Variants in MYO16 observed in about 807,000 individuals in gnomAD.
The protein encoded by MYO16 is unconventional myosin-XVI.
A neutral mutation model predicts 205.3 loss-of-function variants in MYO16; 94 were observed. The observed-to-expected ratio is 0.46, with a 90% CI of 0.39 to 0.54. The LOEUF (loss-of-function observed/expected upper bound fraction) is 0.54. Among genes scored for constraint, MYO16 ranks in the 20% least tolerant of loss-of-function variants. The probability of loss-of-function intolerance (pLI) is 0.00; values close to 1 mark genes in which losing one functional copy is unlikely to be tolerated. For synonymous variants in MYO16, 988 were observed against 954.0 expected, an observed-to-expected ratio of 1.04 and a Z score of -0.66; for missense variants, 2,315 against 2,387.5, an observed-to-expected ratio of 0.97 and a Z score of 0.63.
At chr13:108,497,144 T>C in the MYO16 span, among the ~76,000 whole-genome samples, 48,752 of 152,036 alleles carry the variant, frequency 0.32, 8,027 homozygotes, top group Non-Finnish European at 0.35. Context: ...AAGTCGTCAA[T>C]GAGATCCTGA....
intron 12 of MYO16, among the ~76,000 whole-genome samples, chr13:108,876,347 T>C (rs1410184771): frequency 6.6e-6 from 1 of 152,152 alleles, no homozygotes; most frequent in Non-Finnish European, 1.5e-5. Context: ...GGATGCATCT[T>C]TAAGGGTATG....
chr13:108,836,536 AG>A (rs1876926839), intron 9 of MYO16, among the ~76,000 whole-genome samples: 1 of 152,156 alleles, frequency 6.6e-6, no homozygotes. Context: ...AACCACTGAA[AG>A]CTTGCACCAT....
At chr13:109,013,677 A>G (rs1263292501) in intron 22 of MYO16, among the ~76,000 whole-genome samples, 1 of 152,172 alleles carries the variant, frequency 6.6e-6, no homozygotes, top group African/African-American at 2.4e-5. Flanking sequence ...GTGAGATGGT[A>G]TCTCATTGTG....
chr13:108,566,595 G>T, the MYO16 span, among the ~76,000 whole-genome samples: 3 of 151,112 alleles, frequency 2.0e-5, no homozygotes, highest in Admixed American at 2.0e-4. Context: ...TCATGCCGTT[G>T]CACTCCAGCC....
intron 28 of MYO16, among the ~76,000 whole-genome samples, chr13:109,102,114 A>G (rs1370103929): frequency 6.6e-6 from 1 of 151,880 alleles, no homozygotes; most frequent in Non-Finnish European, 1.5e-5. Flanking sequence ...TTTAACTAAT[A>G]ATGAAATTTG....
Position 109,140,271 on chromosome 13 carries a change from C to T in MYO16, c.4059C>T (p.Ala1353=). 3 of 1,599,478 alleles carry T rather than the reference C, an allele frequency of 1.9e-6. No individual in the cohort carries two copies. The highest frequency in any genetic ancestry group is 2.5e-6 in the Non-Finnish European group (3 of 1,178,952). ...AAREAANEAL[A]RPRPHSDDYS... ...CGTCCTTTCCTGCCGCAGCTCTGGC[C>T]CGGCCCAGACCGCACAGCGACGACT... The change falls in exon 32 of 35, where the codon GCC becomes GCT. Residue 1353 remains alanine, a synonymous_variant. Coordinates refer to ENST00000457511, the MANE Select transcript of MYO16 (RefSeq NM_001198950.3). This position sits in a 1 kb window ranked among gnomAD's most constrained non-coding sequence, Gnocchi z 8.0.
Position 109,052,332 on chromosome 13 carries a change from C to T in MYO16, c.2905C>T (p.Gln969Ter). The change falls in exon 25 of 35, where the codon CAG becomes TAG. Residue 969 changes from glutamine (Q) to a stop codon, truncating the protein, a stop_gained. Transcript: ENST00000457511. LOFTEE classifies it high-confidence loss of function. ...SENVVINHLF[Q>*]SKLSQTGSLV... is the part of the protein sequence containing the mutation. ...AAATGTCGTGATCAATCATTTGTTC[C>T]AGTCGAAATTGTCACAAACAGGATC... The T allele has an allele frequency of 6.2e-7, 1 of 1,613,198 alleles. No individual in the cohort carries two copies. The highest frequency in any genetic ancestry group is 1.1e-5 in the South Asian group (1 of 91,042).
chr13:109,047,076 A>G, intron 24 of MYO16, 85 bp downstream of exon 24: 2 of 1,021,748 alleles, frequency 2.0e-6, no homozygotes, highest in Admixed American at 4.1e-5. Flanking sequence ...TTCCTAGAAA[A>G]TATGCTACCA....
intron 1 of MYO16, among the ~76,000 whole-genome samples, chr13:108,642,512 G>T (rs987162812): frequency 6.6e-6 from 1 of 152,120 alleles, no homozygotes; most frequent in Non-Finnish European, 1.5e-5. Flanking sequence ...GCGTGACCTT[G>T]GTTCAAGCGA....
At chr13:108,534,365 A>G in the MYO16 span, among the ~76,000 whole-genome samples, 2 of 152,058 alleles carry the variant, frequency 1.3e-5, no homozygotes, top group African/African-American at 4.8e-5. Context: ...TTTAGTTTTG[A>G]CATAATATTC....
intron 4 of MYO16, among the ~76,000 whole-genome samples, chr13:108,729,983 G>A (rs1447818958): frequency 6.6e-6 from 1 of 152,146 alleles, no homozygotes; most frequent in Non-Finnish European, 1.5e-5. Flanking sequence ...TACATTTCAA[G>A]CAAAATAGCT....
At chr13:109,138,052 T>G (rs1053088810) in intron 31 of MYO16, among the ~76,000 whole-genome samples, 1 of 152,236 alleles carries the variant, frequency 6.6e-6, no homozygotes, top group Non-Finnish European at 1.5e-5. Context: ...CATGAATTTA[T>G]CTCAGTAAAT....
the MYO16 span, among the ~76,000 whole-genome samples, chr13:108,565,682 G>A: frequency 1.3e-5 from 2 of 152,040 alleles, no homozygotes; most frequent in African/African-American, 4.8e-5. Context: ...CTTTTCTCGT[G>A]TCTGATTGCT....
chr13:108,815,808 C>T (rs1875551981), intron 7 of MYO16, among the ~76,000 whole-genome samples: 1 of 152,096 alleles, frequency 6.6e-6, no homozygotes, highest in Admixed American at 6.6e-5. Context: ...TTATGGAATG[C>T]AAAGTACCTA....
chr13:108,853,954 T>TTGTGTGTGTGTGTGTGTGTGTGTG (rs5806760), intron 10 of MYO16, among the ~76,000 whole-genome samples: 2 of 138,500 alleles, frequency 1.4e-5, no homozygotes, highest in African/African-American at 5.3e-5. Context: ...GTTTCTATTA[T>TTGTGTGTGTGTGTGTGTGTGTGTG]TGTGTGTGTG....
chr13:108,900,828 C>G (rs1031900212), intron 15 of MYO16, among the ~76,000 whole-genome samples: 2 of 152,226 alleles, frequency 1.3e-5, no homozygotes, highest in African/African-American at 4.8e-5. Context: ...TAAACTCTGA[C>G]TGCCAGTGAG....
intron 23 of MYO16, among the ~76,000 whole-genome samples, chr13:109,022,414 G>T (rs1374603118): frequency 1.0e-4 from 9 of 88,910 alleles, no homozygotes; most frequent in African/African-American, 2.7e-4. Context: ...TGTATATATT[G>T]TATATACAAA....
chr13:108,537,690 A>G, the MYO16 span, among the ~76,000 whole-genome samples: 2 of 151,986 alleles, frequency 1.3e-5, no homozygotes, highest in Middle Eastern at 3.2e-3. Flanking sequence ...TTGATGTTTA[A>G]TAATAGCCAT....
At chr13:108,916,387 A>G (rs1881496135) in intron 16 of MYO16, among the ~76,000 whole-genome samples, 1 of 152,202 alleles carries the variant, frequency 6.6e-6, no homozygotes, top group Admixed American at 6.5e-5. Flanking sequence ...ATTTATGCCT[A>G]AATTGTCTCC....
Sources: gnomAD v4.1 joint callset for allele counts (sites outside exome capture counted in the v4.1 genomes callset) on GRCh38, gnomAD v4.1.1 for gene constraint, Gnocchi (gnomAD v3.1) non-coding constraint, MANE v1.5 for transcripts, NCBI Gene and HGNC (gene_info 2026-07-23, HGNC 2026-07-21) for gene names.